AMPD1: variants seen among roughly 807,000 people sequenced by gnomAD.
The protein encoded by AMPD1 is AMP deaminase 1.
In AMPD1, 74 loss-of-function variants were observed where a neutral mutation model predicts 82.9. That is an observed-to-expected ratio of 0.89 (90% CI 0.74 to 1.08). The LOEUF (loss-of-function observed/expected upper bound fraction) is 1.08. AMPD1 is among the 50% of genes least tolerant of loss of function. The pLI is 0.00. For missense variants in AMPD1, 881 were observed against 924.5 expected, an observed-to-expected ratio of 0.95 and a Z score of 0.61; for synonymous variants, 333 against 320.5, an observed-to-expected ratio of 1.04 and a Z score of -0.42.
chr1:114,678,988 A>G (rs1000084763), intron 7 of AMPD1, among the ~76,000 whole-genome samples: 7 of 152,262 alleles, frequency 4.6e-5, no homozygotes, highest in Non-Finnish European at 8.8e-5. Flanking sequence ...TAATTAGTCC[A>G]AAGTTGTATA....
At chr1:114,678,600 T>A in intron 7 of AMPD1, 73 bp from the exon 8 acceptor site, 1 of 1,375,326 alleles carries the variant, frequency 7.3e-7, no homozygotes, top group Non-Finnish European at 1.0e-6. Context: ...GAGGATATGG[T>A]GCTGCAAATC....
At chr1:114,674,893 T>C (rs1281634562) in intron 12 of AMPD1, 21 bp from the exon 13 acceptor site, 4 of 1,613,948 alleles carry the variant, frequency 2.5e-6, no homozygotes, top group African/African-American at 1.3e-5. Flanking sequence ...AGAACTGCTA[T>C]TGGAATCGCA....
chr1:114,674,110 A>G (rs762806741), intron 13 of AMPD1, 28 bp from the exon 14 acceptor site: 2 of 1,596,098 alleles, frequency 1.3e-6, no homozygotes, highest in Admixed American at 1.7e-5. Context: ...AAAAATATTT[A>G]AAGATGTTGA....
intron 2 of AMPD1, among the ~76,000 whole-genome samples, chr1:114,693,133 TAA>T (rs1388813477): frequency 2.4e-3 from 355 of 145,560 alleles, no homozygotes; most frequent in African/African-American, 8.7e-3. Flanking sequence ...AATAAATAAA[TAA>T]ATAAATAAAT....
intron 10 of AMPD1, among the ~76,000 whole-genome samples, 169 bp downstream of exon 10, chr1:114,677,182 G>A (rs1422081945): frequency 2.0e-5 from 3 of 151,834 alleles, no homozygotes; most frequent in Non-Finnish European, 4.4e-5. Flanking sequence ...GTGGTTAAGA[G>A]TGCTGTACCC....
intron 9 of AMPD1, 62 bp from the exon 10 acceptor site, chr1:114,677,576 G>C: frequency 5.0e-6 from 8 of 1,601,664 alleles, no homozygotes; most frequent in Non-Finnish European, 6.8e-6. Context: ...GGGTTCTAGG[G>C]AGAGGAGATT....
intron 15 of AMPD1, 47 bp from the exon 16 acceptor site, chr1:114,673,319 T>A (rs779737398): frequency 6.3e-7 from 1 of 1,598,008 alleles, no homozygotes. Context: ...CTTTTCACCC[T>A]GGTATAGACA....
intron 5 of AMPD1, 106 bp from the exon 6 acceptor site, chr1:114,680,584 G>T: frequency 1.1e-6 from 1 of 932,946 alleles, no homozygotes. Flanking sequence ...TTGGAATCCG[G>T]TACTTAAGTT....
chr1:114,679,504 CT>C, intron 7 of AMPD1, 74 bp downstream of exon 7: 1 of 1,575,864 alleles, frequency 6.3e-7, no homozygotes, highest in East Asian at 2.2e-5. Context: ...GAAACACACT[CT>C]TTTCTTGTGC....
chr1:114,674,079 G>A lies in AMPD1; in HGVS notation c.1804C>T (p.Pro602Ser), dbSNP rs1330297930. The change falls in exon 14 of 16, where the codon CCC becomes TCC. Residue 602 changes from proline (P) to serine (S), a missense_variant. By Grantham distance (74) the Pro-to-Ser change is moderately conservative. Transcript: ENST00000520113. ...AAGAAAAACAAGTACTGTAGCACGG[G>A]ACTCTGAAAAAGAAAAGTAAAAAAA... ...ISHGLNLKKS[P>S]VLQYLFFLAQ... 1.2e-6 allele frequency: 2 copies of A among 1,613,276 alleles called. No homozygotes were observed. The highest frequency in any genetic ancestry group is 1.7e-6 in the Non-Finnish European group (2 of 1,179,476).
At chr1:114,687,876 C>T (rs1171620138) in intron 3 of AMPD1, among the ~76,000 whole-genome samples, 1 of 152,108 alleles carries the variant, frequency 6.6e-6, no homozygotes, top group East Asian at 1.9e-4. Context: ...TGGCTAGGGA[C>T]AGAGTCTGAA....
chr1:114,678,648 G>T, intron 7 of AMPD1, 121 bp from the exon 8 acceptor site: 1 of 935,406 alleles, frequency 1.1e-6, no homozygotes, highest in Admixed American at 2.0e-5. Flanking sequence ...GAGGATGTGA[G>T]CTGACAGTTG....
intron 3 of AMPD1, among the ~76,000 whole-genome samples, chr1:114,688,006 T>C (rs967894960): frequency 2.6e-5 from 4 of 152,128 alleles, no homozygotes; most frequent in Non-Finnish European, 5.9e-5. Flanking sequence ...TCCTCTTGCT[T>C]AGATGGGTAG....
chr1:114,681,552 C>A (rs1658158751), intron 5 of AMPD1, among the ~76,000 whole-genome samples: 1 of 148,122 alleles, frequency 6.8e-6, no homozygotes, highest in Non-Finnish European at 1.5e-5. Context: ...TGAGTTTGTG[C>A]CACTGCACTC....
At position 114,689,818 on chromosome 1, in the gene AMPD1, A is replaced by AAAAAG. The variant is rs964246139; in HGVS notation, c.35-1082_35-1078dup. On this transcript the variant is annotated intron_variant, in intron 2 of 15. Transcript: ENST00000520113. ...GGTGACAGAGCAAAACTCTATCTCAAAAAAGAAAAGAAAACCAGTGTCATC... is the reference window on the plus strand; with the variant it reads ...GGTGACAGAGCAAAACTCTATCTCAAAAAAGAAAAGAAAAGAAAACCAGTGTCATC... 1.8e-3 allele frequency among the ~76,000 whole-genome samples: 270 copies of AAAAAG among 152,264 alleles called. 1 individual carries two copies. The highest frequency in any genetic ancestry group is 9.4e-4 in the Non-Finnish European group (64 of 68,020).
At chr1:114,677,276 T>C in intron 10 of AMPD1, 75 bp downstream of exon 10, 1 of 1,577,462 alleles carries the variant, frequency 6.3e-7, no homozygotes, top group Non-Finnish European at 8.7e-7. Flanking sequence ...GGCAACACGT[T>C]CCTTGTTCAT....
chr1:114,675,967 A>G lies in AMPD1; in HGVS notation c.1425T>C (p.Phe475=), dbSNP rs368557885. ...TGAAAATATTCTCCAGCATTTTTCC[A>G]AAATGTGGAAGGAAATTCTTGGAAC... is the stretch of plus-strand genomic sequence containing the variant. The part of the protein sequence containing the change: ...VFRSKNFLPH[F]GKMLENIFMP... The change falls in exon 11 of 16, where the codon TTT becomes TTC. Residue 475 remains phenylalanine (F), a synonymous_variant. Coordinates refer to ENST00000520113, the MANE Select transcript of AMPD1 (RefSeq NM_000036.3). The G allele has an allele frequency of 6.2e-7, 1 of 1,614,028 alleles. No individual in the cohort carries two copies. Among genetic ancestry groups the G allele is most frequent in the Non-Finnish European group, 8.5e-7 (1 of 1,180,022 alleles).
Position 114,688,556 on chromosome 1 carries a change from C to T in AMPD1, c.215+5G>A. On this transcript the variant is annotated splice_donor_5th_base_variant and intron_variant, in intron 3 of 15. Transcript: ENST00000520113. ...TATACTAAGCACTCCCCTTACACCACTTACCTCCTGGCTTCTGTGGAGGTG... is the reference window on the plus strand; with the variant it reads ...TATACTAAGCACTCCCCTTACACCATTTACCTCCTGGCTTCTGTGGAGGTG... 6.2e-7 allele frequency: 1 copy of T among 1,614,162 alleles called. No homozygotes were observed. The highest frequency in any genetic ancestry group is 1.1e-5 in the South Asian group (1 of 91,086).
At chr1:114,688,474 T>A (rs1658383899) in intron 3 of AMPD1, 87 bp downstream of exon 3, 1 of 1,456,922 alleles carries the variant, frequency 6.9e-7, no homozygotes, top group Non-Finnish European at 9.6e-7. Context: ...AGTTGAACCA[T>A]CATTTGGATA....
Sources: allele counts gnomAD v4.1 joint callset (sites outside exome capture counted in the v4.1 genomes callset), GRCh38; gene constraint gnomAD v4.1.1; transcripts MANE v1.5; gene names NCBI Gene and HGNC (gene_info 2026-07-23, HGNC 2026-07-21).